PDE1B: variants seen among roughly 807,000 people sequenced by gnomAD.
PDE1B encodes the protein phosphodiesterase 1B, also known as dual specificity calcium/calmodulin-dependent 3',5'-cyclic nucleotide phosphodiesterase 1B.
PDE1B carries 13 observed loss-of-function variants against 66.7 expected under a neutral mutation model. The observed-to-expected ratio is 0.19, with a 90% CI of 0.13 to 0.31. The LOEUF (loss-of-function observed/expected upper bound fraction) is 0.31, where lower values mean the gene tolerates loss of function less well. PDE1B is among the 10% of genes least tolerant of loss of function. The pLI is 1.00. For missense variants in PDE1B, 485 were observed against 682.3 expected, an observed-to-expected ratio of 0.71 and a Z score of 3.22; for synonymous variants, 230 against 253.9, an observed-to-expected ratio of 0.91 and a Z score of 0.90.
At chr12:54,551,303 A>G (rs1421218523) in intron 2 of PDE1B, among the ~76,000 whole-genome samples, 2 of 152,214 alleles carry the variant, frequency 1.3e-5, no homozygotes, top group South Asian at 2.1e-4. Context: ...ACTGAGGCAT[A>G]GTGGGCAACA....
Position 54,576,992 on chromosome 12 carries a change from G to A in PDE1B, c.1508-233G>A, listed in dbSNP as rs1309246572. On this transcript the variant is annotated intron_variant, in intron 14 of 15. Transcript: ENST00000243052. ...TGCCCCTGTAGATTTGGCTAATTTG[G>A]TGGCCCTGGCTGGGAAATCTCTTCC... 3 of 607,250 alleles carry A rather than the reference G, an allele frequency of 4.9e-6. No homozygotes were observed. In the East Asian group the frequency reaches 8.3e-5, roughly 17 times the overall value. 37.6% of individuals were successfully genotyped at this position (607,250 alleles called of 1,614,324 possible).
intron 14 of PDE1B, 133 bp from the exon 15 acceptor site, chr12:54,577,092 G>T: frequency 2.5e-6 from 2 of 784,982 alleles, no homozygotes; most frequent in South Asian, 3.3e-5. Context: ...CCCAAGTGGG[G>T]ATGGGTTGAA....
rs1000557576 is a variant in PDE1B, at chr12:54,573,406, C to T, written c.888C>T (p.His296=). The T allele has an allele frequency of 5.0e-6, 8 of 1,614,026 alleles. No homozygotes were observed. The highest frequency in any genetic ancestry group is 3.3e-5 in the South Asian group (3 of 91,076). ...ATCGTTCAGTGCTGGAGAATCACCA[C>T]ATCAGCTCTGTTTTCCGATTGATGC... ...YNDRSVLENH[H]ISSVFRLMQD... Residue 296 remains histidine (H), a synonymous_variant, in exon 9 of 16, where the codon CAC becomes CAT. Transcript: ENST00000243052. This position sits in a 1 kb window ranked among gnomAD's most constrained non-coding sequence, Gnocchi z 5.2.
rs1957728089 is a variant in PDE1B at position 54,575,691 on chromosome 12, G to A, written c.1267+59G>A. ...GGGAGGGGGAAAAGATGCTGCCTGG[G>A]TCAGGATTGCTCCAAGTCCTCAATC... On this transcript the variant is annotated intron_variant, in intron 12 of 15. Transcript: ENST00000243052. This position sits in a 1 kb window ranked among gnomAD's most constrained non-coding sequence, Gnocchi z 4.0. 4 of 1,223,856 alleles carry A rather than the reference G, an allele frequency of 3.3e-6. No homozygotes were observed. Among genetic ancestry groups the A allele is most frequent in the Non-Finnish European group, 4.8e-6 (4 of 833,024 alleles). The allele number at this position is 1,223,856 out of a possible 1,614,324, so 75.8% of individuals were successfully genotyped here.
Position 54,573,835 on chromosome 12 carries a change from G to A in PDE1B, c.1064+126G>A. 2 of 694,950 alleles carry A rather than the reference G, an allele frequency of 2.9e-6. No homozygotes were observed. Among genetic ancestry groups the A allele is most frequent in the Non-Finnish European group, 5.2e-6 (2 of 384,104 alleles). The allele number at this position is 694,950 out of a possible 1,614,324, so 43.0% of individuals were successfully genotyped here. Reference sequence around the variant, plus strand: ...GCTGTAGAGACTCCACTGGCTTCAGGTATCAGACTGCATCTCTATGTGAGA... The same window carrying A: ...GCTGTAGAGACTCCACTGGCTTCAGATATCAGACTGCATCTCTATGTGAGA... On this transcript the variant is annotated intron_variant, in intron 10 of 15. Coordinates refer to ENST00000243052, the MANE Select transcript of PDE1B (RefSeq NM_000924.4). This position sits in a 1 kb window ranked among gnomAD's most constrained non-coding sequence, Gnocchi z 5.2.
chr12:54,550,527 A>AC (rs773892017), intron 2 of PDE1B, among the ~76,000 whole-genome samples: 7 of 151,864 alleles, frequency 4.6e-5, no homozygotes, highest in Non-Finnish European at 7.4e-5. Context: ...GGTGGGGGTT[A>AC]CCCCATGCCT....
At chr12:54,568,719 C>G (rs1008521528) in intron 3 of PDE1B, among the ~76,000 whole-genome samples, 5 of 151,780 alleles carry the variant, frequency 3.3e-5, no homozygotes, top group Admixed American at 1.3e-4. Context: ...TCGCTCGAAC[C>G]CGGGAGGCGG....
intron 2 of PDE1B, 167 bp downstream of exon 2, chr12:54,550,152 CA>C (rs1218715928): frequency 1.4e-6 from 2 of 1,433,306 alleles, no homozygotes; most frequent in East Asian, 2.5e-5. Context: ...GCCACATGTG[CA>C]AGGCATGTGC....
intron 2 of PDE1B, chr12:54,561,777 T>TGC: frequency 1.9e-6 from 1 of 513,422 alleles, no homozygotes; most frequent in East Asian, 3.2e-5. Flanking sequence ...TGTGTGTGTG[T>TGC]GTGTGCGCGT....
In PDE1B at chr12:54,575,927, G is replaced by A; in HGVS notation, c.1268-65G>A. The A allele has an allele frequency of 8.4e-7, 1 of 1,191,164 alleles. No individual in the cohort carries two copies. Among genetic ancestry groups the A allele is most frequent in the South Asian group, 1.2e-5 (1 of 82,788 alleles). The allele number at this position is 1,191,164 out of a possible 1,614,324, so 73.8% of individuals were successfully genotyped here. A position where few individuals can be genotyped will look rare whatever the true frequency, so the allele number is the denominator to read the frequency against. The stretch of plus-strand genomic sequence containing the variant: ...GCCAGGGGTCCTGGCCATGCCAGCT[G>A]CATGCTCTGCCTAGCCCTCCAGATA... On this transcript the variant is annotated intron_variant, in intron 12 of 15. Transcript: ENST00000243052. This position sits in a 1 kb window ranked among gnomAD's most constrained non-coding sequence, Gnocchi z 4.0.
At chr12:54,555,560 G>A (rs1290616922) in intron 2 of PDE1B, among the ~76,000 whole-genome samples, 1 of 152,092 alleles carries the variant, frequency 6.6e-6, no homozygotes, top group Non-Finnish European at 1.5e-5. Flanking sequence ...GGGAGTTCCT[G>A]AAATCAAAGG....
Position 54,575,819 on chromosome 12 carries a change from G to C in PDE1B, c.1268-173G>C. The C allele has an allele frequency of 1.4e-6, 1 of 719,636 alleles. No individual in the cohort carries two copies. The highest frequency in any genetic ancestry group is 2.5e-6 in the Non-Finnish European group (1 of 407,814). The allele number at this position is 719,636 out of a possible 1,614,324, so 44.6% of individuals were successfully genotyped here. On this transcript the variant is annotated intron_variant, in intron 12 of 15. Transcript: ENST00000243052. This position sits in a 1 kb window ranked among gnomAD's most constrained non-coding sequence, Gnocchi z 4.0. ...GCAATGGCAGGAAGGAGCTCTCTGG[G>C]GCACCAAGACATCATCCCAAAGCCT...
Position 54,573,890 on chromosome 12 carries a change from T to C in PDE1B, c.1064+181T>C. On this transcript the variant is annotated intron_variant, in intron 10 of 15. Coordinates refer to ENST00000243052, the MANE Select transcript of PDE1B (RefSeq NM_000924.4). This position sits in a 1 kb window ranked among gnomAD's most constrained non-coding sequence, Gnocchi z 5.2. ...GAGAGAGTGTGTGTGTGTGTGTGTG[T>C]GTGTGTGTGTGTGTGTGTGTGTCCT... is the stretch of plus-strand genomic sequence containing the variant. 1.7e-6 allele frequency: 1 copy of C among 593,258 alleles called. No homozygotes were observed. Among genetic ancestry groups the C allele is most frequent in the Non-Finnish European group, 3.0e-6 (1 of 330,240 alleles). 36.7% of individuals were successfully genotyped at this position (593,258 alleles called of 1,614,324 possible).
chr12:54,566,682 A>G (rs1040723842), intron 2 of PDE1B, among the ~76,000 whole-genome samples: 5 of 152,310 alleles, frequency 3.3e-5, no homozygotes, highest in African/African-American at 1.2e-4. Context: ...CATTTTAAAC[A>G]AGACTAAGCA....
Position 54,573,563 on chromosome 12 carries a change from G to A in PDE1B, c.963-45G>A. On this transcript the variant is annotated intron_variant, in intron 9 of 15. Transcript: ENST00000243052. This position sits in a 1 kb window ranked among gnomAD's most constrained non-coding sequence, Gnocchi z 5.2. ...TTCCACTTCCTGGACCTCCTGCCCA[G>A]CAGCGCTGAGGGGACTGATTGCTTC... is the stretch of plus-strand genomic sequence containing the variant. The A allele has an allele frequency of 1.2e-6, 2 of 1,610,520 alleles. No homozygotes were observed. Among genetic ancestry groups the A allele is most frequent in the Non-Finnish European group, 1.7e-6 (2 of 1,176,748 alleles).
At chr12:54,577,174 G>A in intron 14 of PDE1B, 51 bp from the exon 15 acceptor site, 1 of 1,461,152 alleles carries the variant, frequency 6.8e-7, no homozygotes, top group Non-Finnish European at 9.5e-7. Context: ...TTGGGTTCTG[G>A]GGAAGAATAC....
At chr12:54,567,114 G>GAGAA in intron 3 of PDE1B, 27 bp downstream of exon 3, 1 of 1,186,564 alleles carries the variant, frequency 8.4e-7, no homozygotes, top group South Asian at 1.3e-5. Flanking sequence ...GACAGAGAAG[G>GAGAA]AGAAAGATGT....
chr12:54,569,528 C>T lies in PDE1B; in HGVS notation c.411-18C>T. 1 of 1,611,020 alleles carries T rather than the reference C, an allele frequency of 6.2e-7. No homozygotes were observed. Among genetic ancestry groups the T allele is most frequent in the Admixed American group, 1.7e-5 (1 of 60,016 alleles). On this transcript the variant is annotated intron_variant, in intron 4 of 15. Coordinates refer to ENST00000243052, the MANE Select transcript of PDE1B (RefSeq NM_000924.4). The surrounding 1 kb of genome is among the most constrained non-coding windows in gnomAD (Gnocchi z 4.4). ...CCAGACCTTCATATGTGGGCTTCTT[C>T]TCATTGTTCTCTCTCAGGATGTTCC... is the stretch of plus-strand genomic sequence containing the variant.
At position 54,573,574 on chromosome 12, in the gene PDE1B, G is replaced by A. The variant is rs770781050; in HGVS notation, c.963-34G>A. The stretch of plus-strand genomic sequence containing the variant: ...GGACCTCCTGCCCAGCAGCGCTGAG[G>A]GGACTGATTGCTTCTCTTTTTATGT... On this transcript the variant is annotated intron_variant, in intron 9 of 15. Transcript: ENST00000243052. The surrounding 1 kb of genome is among the most constrained non-coding windows in gnomAD (Gnocchi z 5.2). 3.7e-6 allele frequency: 6 copies of A among 1,610,760 alleles called. No individual in the cohort carries two copies. Among genetic ancestry groups the A allele is most frequent in the Non-Finnish European group, 5.1e-6 (6 of 1,176,946 alleles).
Sources: allele counts gnomAD v4.1 joint callset (sites outside exome capture counted in the v4.1 genomes callset), GRCh38; gene constraint gnomAD v4.1.1; non-coding constraint Gnocchi (gnomAD v3.1); transcripts MANE v1.5; gene names NCBI Gene and HGNC (gene_info 2026-07-23, HGNC 2026-07-21).